GRM5: variants seen among roughly 807,000 people sequenced by gnomAD.
GRM5 encodes metabotropic glutamate receptor 5.
A neutral mutation model predicts 83.1 loss-of-function variants in GRM5; 19 were observed. The ratio of observed to expected loss-of-function variants is 0.23; its 90% CI spans 0.16 to 0.34. The LOEUF (loss-of-function observed/expected upper bound fraction) is 0.34. Ranked by LOEUF, GRM5 falls within the 10% of genes least tolerant of loss-of-function variation. GRM5 has a pLI of 1.00. For missense variants in GRM5, 1,160 were observed against 1,588.3 expected, an observed-to-expected ratio of 0.73 and a Z score of 4.58; for synonymous variants, 675 against 633.6, an observed-to-expected ratio of 1.07 and a Z score of -0.98.
intron 7 of GRM5, among the ~76,000 whole-genome samples, chr11:88,574,929 G>A (rs886807504): frequency 8.6e-5 from 13 of 151,152 alleles, no homozygotes; most frequent in African/African-American, 3.2e-4. Context: ...ATCCAACTAT[G>A]AAGGTCAGAT....
In GRM5 at chr11:88,774,713, G is replaced by A. The variant is rs1479504167; in HGVS notation, c.911+75193C>T. Among the ~76,000 whole-genome samples the A allele has an allele frequency of 9.2e-5, 14 of 152,178 alleles. No homozygotes were observed. In the East Asian group the frequency reaches 2.7e-3, roughly 30 times the overall value. On this transcript the variant is annotated intron_variant, in intron 3 of 9. Transcript: ENST00000305447. ...TCTGCATCTATTGAGATAATCATGT[G>A]GTTTTTGTCCTTGGTTCTGTTCATG...
intron 8 of GRM5, among the ~76,000 whole-genome samples, chr11:88,548,867 C>A (rs2135143568): frequency 6.6e-6 from 1 of 152,288 alleles, no homozygotes; most frequent in South Asian, 2.1e-4. Flanking sequence ...CTTTGCTGGT[C>A]ACCCAGCACA....
In GRM5 at chr11:88,814,458, C is replaced by T. The variant is rs143633902; in HGVS notation, c.911+35448G>A. Among the ~76,000 whole-genome samples, 750 of 152,248 alleles carry T rather than the reference C, an allele frequency of 4.9e-3. 5 individuals carry two copies. The highest frequency in any genetic ancestry group is 0.017 in the African/African-American group (721 of 41,542). ...ATTGAATCGAACAGTACTCAGGATA[C>T]ACAGAAGACCTGGAATAGTGCCTGT... On this transcript the variant is annotated intron_variant, in intron 3 of 9. Coordinates refer to ENST00000305447, the MANE Select transcript of GRM5 (RefSeq NM_001143831.3).
At chr11:88,687,502 A>ACACACG (rs1940658547) in intron 3 of GRM5, among the ~76,000 whole-genome samples, 1 of 2,456 alleles carries the variant, frequency 4.1e-4, no homozygotes, top group South Asian at 0.071. Flanking sequence ...AACAAAAAAT[A>ACACACG]CACACACACA....
intron 2 of GRM5, among the ~76,000 whole-genome samples, chr11:88,882,272 T>TAAC (rs1944968553): frequency 6.9e-5 from 3 of 43,436 alleles, no homozygotes; most frequent in Non-Finnish European, 1.2e-4. Flanking sequence ...AAATAAATAA[T>TAAC]AAAAAGAAAA....
At chr11:88,580,608 G>T (rs893533994) in intron 7 of GRM5, among the ~76,000 whole-genome samples, 1 of 152,174 alleles carries the variant, frequency 6.6e-6, no homozygotes, top group Non-Finnish European at 1.5e-5. Flanking sequence ...AATGGCAGGT[G>T]CTGTGTAGTA....
intron 3 of GRM5, among the ~76,000 whole-genome samples, chr11:88,762,845 A>G (rs1942553575): frequency 6.6e-6 from 1 of 152,032 alleles, no homozygotes; most frequent in Non-Finnish European, 1.5e-5. Context: ...CAGTCATAAA[A>G]AAGAATGAGG....
intron 3 of GRM5, among the ~76,000 whole-genome samples, chr11:88,671,628 A>C (rs1355686383): frequency 6.6e-6 from 1 of 152,104 alleles, no homozygotes; most frequent in Non-Finnish European, 1.5e-5. Flanking sequence ...AGGAAAATGA[A>C]TAATATAATA....
chr11:88,955,383 T>C (rs1291268546), intron 2 of GRM5, among the ~76,000 whole-genome samples: 1 of 152,220 alleles, frequency 6.6e-6, no homozygotes, highest in Admixed American at 6.5e-5. Context: ...TTAATGATGA[T>C]TACGTATGCC....
intron 3 of GRM5, among the ~76,000 whole-genome samples, chr11:88,670,366 A>G (rs1940160377): frequency 6.6e-6 from 1 of 152,046 alleles, no homozygotes; most frequent in South Asian, 2.1e-4. Context: ...AGACAGAACT[A>G]TTAAAGTCAA....
intron 2 of GRM5, among the ~76,000 whole-genome samples, chr11:89,013,672 T>C (rs1211936158): frequency 2.0e-5 from 3 of 152,206 alleles, no homozygotes; most frequent in Non-Finnish European, 4.4e-5. Context: ...GTCAAAGCTA[T>C]TTATCTTCTC....
At chr11:88,937,939 G>A (rs540602248) in intron 2 of GRM5, among the ~76,000 whole-genome samples, 6 of 151,786 alleles carry the variant, frequency 4.0e-5, no homozygotes, top group African/African-American at 1.4e-4. Flanking sequence ...AGATAGCACA[G>A]TTGAATTAAA....
intron 3 of GRM5, among the ~76,000 whole-genome samples, chr11:88,739,063 A>C (rs1255605971): frequency 6.6e-6 from 1 of 152,056 alleles, no homozygotes; most frequent in African/African-American, 2.4e-5. Context: ...AAAATTACGT[A>C]TTTCATAGCA....
intron 3 of GRM5, among the ~76,000 whole-genome samples, chr11:88,825,004 G>T (rs1943869349): frequency 6.6e-6 from 1 of 152,110 alleles, no homozygotes; most frequent in African/African-American, 2.4e-5. Flanking sequence ...TAACACAGAT[G>T]AGTTAATATT....
At chr11:88,993,753 A>C (rs1376798695) in intron 2 of GRM5, among the ~76,000 whole-genome samples, 1 of 152,024 alleles carries the variant, frequency 6.6e-6, no homozygotes, top group Admixed American at 6.6e-5. Context: ...ACAGGGTCTC[A>C]CTCTGTTGTC....
At chr11:88,793,471 CTGGCATTTAAGATATGGTATA>C (rs1291468225) in intron 3 of GRM5, among the ~76,000 whole-genome samples, 1 of 152,126 alleles carries the variant, frequency 6.6e-6, no homozygotes, top group Non-Finnish European at 1.5e-5. Context: ...TAGTATCAAT[CTGGCATTTAAGATATGGTATA>C]TTTTTGCATA....
At chr11:88,630,874 A>G (rs2133396) in intron 4 of GRM5, among the ~76,000 whole-genome samples, 105,534 of 152,148 alleles carry the variant, frequency 0.69, 41,895 homozygotes, top group Non-Finnish European at 0.9. Flanking sequence ...CACTGTGCCC[A>G]GCCATTTATT....
intron 2 of GRM5, among the ~76,000 whole-genome samples, chr11:88,850,622 A>C (rs1019363996): frequency 6.7e-6 from 1 of 149,282 alleles, no homozygotes; most frequent in African/African-American, 2.4e-5. Flanking sequence ...AATATTTTAT[A>C]AAGTATTATA....
chr11:88,546,640 G>A (rs1411007976), intron 8 of GRM5, among the ~76,000 whole-genome samples: 1 of 152,038 alleles, frequency 6.6e-6, no homozygotes, highest in Non-Finnish European at 1.5e-5. Context: ...TGGGCCCTAT[G>A]TGTTCAAAAC....
Sources: allele counts gnomAD v4.1 joint callset (sites outside exome capture counted in the v4.1 genomes callset), GRCh38; gene constraint gnomAD v4.1.1; transcripts MANE v1.5; gene names NCBI Gene and HGNC (gene_info 2026-07-23, HGNC 2026-07-21).